RPS6KA5: variants seen among roughly 807,000 people sequenced by gnomAD.
The protein encoded by RPS6KA5 is ribosomal protein S6 kinase A5.
In RPS6KA5, 27 loss-of-function variants were observed where a neutral mutation model predicts 85.5. The observed-to-expected ratio is 0.32, with a 90% CI of 0.23 to 0.44. The LOEUF is 0.44. Ranked by LOEUF, RPS6KA5 falls within the 20% of genes least tolerant of loss-of-function variation. RPS6KA5 has a pLI of 1.00. For synonymous variants in RPS6KA5, 334 were observed against 348.2 expected (o/e 0.96, Z 0.46); for missense variants, 811 against 980.9 (o/e 0.83, Z 2.31).
intron 12 of RPS6KA5, among the ~76,000 whole-genome samples, chr14:90,897,377 T>C (rs993396486): frequency 2.0e-5 from 3 of 152,194 alleles, no homozygotes; most frequent in African/African-American, 4.8e-5. Context: ...TTGTTTTAAG[T>C]TTGTGGTGAT....
At chr14:91,051,923 C>A (rs188905589) in intron 1 of RPS6KA5, among the ~76,000 whole-genome samples, 1 of 152,078 alleles carries the variant, frequency 6.6e-6, no homozygotes, top group Non-Finnish European at 1.5e-5. Flanking sequence ...CTAAAGCCTT[C>A]CCCCTAGGAT....
intron 1 of RPS6KA5, among the ~76,000 whole-genome samples, chr14:91,036,779 T>C (rs747839253): frequency 6.6e-6 from 1 of 152,226 alleles, no homozygotes; most frequent in Non-Finnish European, 1.5e-5. Flanking sequence ...ATTTCTCTAC[T>C]GGCTCCTGCC....
rs2035491587 is a variant in RPS6KA5, at chr14:90,906,189, G to A, written c.917C>T (p.Pro306Leu). The A allele has an allele frequency of 6.2e-7, 1 of 1,611,738 alleles. No individual in the cohort carries two copies. Among genetic ancestry groups the A allele is most frequent in the Admixed American group, 1.7e-5 (1 of 59,960 alleles). ...TTCTTTGATTTCATCTGCATCACGT[G>A]GACCACATCCCAATCTCTTCTTGGG... The part of the protein sequence containing the change: ...KDPKKRLGCG[P>L]RDADEIKEHL... The change falls in exon 8 of 17, where the codon CCA becomes CTA. Residue 306 changes from proline to leucine, a missense_variant. Physicochemically the swap from Pro to Leu is moderately conservative, Grantham distance 98. Around this residue, in one of 3 missense-constraint regions of RPS6KA5, gnomAD observed 650 missense variants for 793.4 expected, o/e 0.82. Transcript: ENST00000614987.
At chr14:90,968,095 A>G (rs940423918) in intron 3 of RPS6KA5, among the ~76,000 whole-genome samples, 1 of 152,222 alleles carries the variant, frequency 6.6e-6, no homozygotes, top group Non-Finnish European at 1.5e-5. Flanking sequence ...TCAAGGTGTC[A>G]GCAGGACTGC....
At chr14:90,982,701 G>A (rs1178033763) in intron 2 of RPS6KA5, among the ~76,000 whole-genome samples, 4 of 152,190 alleles carry the variant, frequency 2.6e-5, no homozygotes, top group East Asian at 1.9e-4. Context: ...CAAGGGGGCC[G>A]GGCGCAGTGG....
At position 90,978,481 on chromosome 14, in the gene RPS6KA5, A is replaced by G; in HGVS notation, c.219T>C (p.Asp73=). The part of the protein sequence containing the change: ...VFLVRKISGH[D]TGKLYAMKVL... ...CTTTCATGGCATACAGCTTTCCAGT[A>G]TCATGGCCACTTATTTTACGAACTA... The change falls in exon 3 of 17, where the codon GAT becomes GAC. Residue 73 remains aspartate (D), a synonymous_variant. Transcript: ENST00000614987. 2 of 1,606,756 alleles carry G rather than the reference A, an allele frequency of 1.2e-6. No homozygotes were observed. Among genetic ancestry groups the G allele is most frequent in the South Asian group, 1.1e-5 (1 of 88,674 alleles).
At chr14:91,052,928 C>T (rs2043157030) in intron 1 of RPS6KA5, among the ~76,000 whole-genome samples, 1 of 148,952 alleles carries the variant, frequency 6.7e-6, no homozygotes, top group African/African-American at 2.5e-5. Context: ...CAAAAAAGAA[C>T]ACTACAAAGA....
intron 1 of RPS6KA5, among the ~76,000 whole-genome samples, chr14:91,017,606 T>C (rs550750736): frequency 6.6e-5 from 10 of 152,328 alleles, no homozygotes; most frequent in Non-Finnish European, 1.3e-4. Context: ...AAGCTGTACA[T>C]GCTCTGAATC....
At chr14:90,959,830 A>G (rs1038396427) in intron 3 of RPS6KA5, among the ~76,000 whole-genome samples, 1 of 152,212 alleles carries the variant, frequency 6.6e-6, no homozygotes, top group Non-Finnish European at 1.5e-5. Flanking sequence ...TTTGCCAAGG[A>G]GTTGTTAGCC....
At chr14:90,950,852 G>A (rs2038137399) in intron 3 of RPS6KA5, among the ~76,000 whole-genome samples, 1 of 152,166 alleles carries the variant, frequency 6.6e-6, no homozygotes, top group African/African-American at 2.4e-5. Context: ...CTGCCATGGT[G>A]TCTCATGCCT....
rs779406710 is a variant in RPS6KA5 at position 90,943,081 on chromosome 14, A to T, written c.615T>A (p.Asp205Glu). ...CTTCAAATTAAAATATACTCACTTC[A>T]TCAGCCACAAACTCCTTACTCAGAC... The part of the protein sequence containing the change: ...DFGLSKEFVA[D>E]ETERAYSFCG... The change falls in exon 5 of 17, where the codon GAT becomes GAA. Residue 205 changes from aspartate to glutamate, a missense_variant. Transcript: ENST00000614987. The T allele has an allele frequency of 2.6e-6, 4 of 1,560,490 alleles. No individual in the cohort carries two copies. Among genetic ancestry groups the T allele is most frequent in the African/African-American group, 1.4e-5 (1 of 73,738 alleles).
At chr14:90,910,135 T>G (rs977891615) in intron 7 of RPS6KA5, among the ~76,000 whole-genome samples, 2 of 152,074 alleles carry the variant, frequency 1.3e-5, no homozygotes, top group African/African-American at 4.8e-5. Context: ...CCACAAATGT[T>G]GGGGAAACCA....
chr14:90,936,688 TG>T (rs2037277260), intron 5 of RPS6KA5, among the ~76,000 whole-genome samples: 2 of 152,204 alleles, frequency 1.3e-5, no homozygotes, highest in South Asian at 4.1e-4. Context: ...GTGCAATACC[TG>T]GCAATGGTAA....
At chr14:90,901,701 C>T (rs1384734591) in intron 9 of RPS6KA5, among the ~76,000 whole-genome samples, 1 of 152,116 alleles carries the variant, frequency 6.6e-6, no homozygotes, top group South Asian at 2.1e-4. Flanking sequence ...CCAGATTAAG[C>T]CATACTAAAG....
At chr14:90,943,263 A>T in intron 4 of RPS6KA5, 78 bp from the exon 5 acceptor site, 1 of 733,726 alleles carries the variant, frequency 1.4e-6, no homozygotes. Context: ...GTCTACCTTT[A>T]TTTATTTATT....
intron 3 of RPS6KA5, among the ~76,000 whole-genome samples, chr14:90,955,509 CAT>C (rs2038453672): frequency 6.6e-6 from 1 of 152,282 alleles, no homozygotes; most frequent in East Asian, 1.9e-4. Context: ...TCATCTTTGA[CAT>C]ATTGGATATT....
intron 5 of RPS6KA5, among the ~76,000 whole-genome samples, chr14:90,923,714 T>A (rs1468512057): frequency 4.0e-5 from 6 of 151,892 alleles, no homozygotes; most frequent in African/African-American, 1.5e-4. Context: ...GAATAAAAAT[T>A]TTTTTTTCTA....
At chr14:91,010,215 AAC>A (rs919911740) in intron 1 of RPS6KA5, among the ~76,000 whole-genome samples, 6 of 152,198 alleles carry the variant, frequency 3.9e-5, no homozygotes, top group African/African-American at 7.2e-5. Context: ...TTAAAAATAA[AAC>A]AGTCAAAACA....
At chr14:91,025,795 A>C (rs897493118) in intron 1 of RPS6KA5, among the ~76,000 whole-genome samples, 4 of 145,838 alleles carry the variant, frequency 2.7e-5, no homozygotes, top group African/African-American at 1.0e-4. Flanking sequence ...GCTAAATGCT[A>C]ATGTCCTTTT....
Sources: allele counts gnomAD v4.1 joint callset (sites outside exome capture counted in the v4.1 genomes callset), GRCh38; gene constraint gnomAD v4.1.1; regional missense constraint gnomAD v4.1.1; transcripts MANE v1.5; gene names NCBI Gene and HGNC (gene_info 2026-07-23, HGNC 2026-07-21).